Variants in DNAL1 observed in about 807,000 individuals in gnomAD.
DNAL1 encodes chromosome 14 open reading frame 168.
DNAL1 carries 17 observed loss-of-function variants against 29.4 expected under a neutral mutation model. That is an observed-to-expected ratio of 0.58 (90% CI 0.40 to 0.87). The LOEUF (loss-of-function observed/expected upper bound fraction) is 0.87. Ranked by LOEUF, DNAL1 falls within the 40% of genes least tolerant of loss-of-function variation. The pLI is 0.00. For synonymous variants in DNAL1, 78 were observed against 76.3 expected (o/e 1.02, Z -0.12); for missense variants, 188 against 214.1 (o/e 0.88, Z 0.76).
In DNAL1 at chr14:73,696,023, A is replaced by G. The variant is rs1486111503; in HGVS notation, c.*81A>G. ...AATTTTATATAATTGTCTATTTTAA[A>G]GATTCTGTATGGGACAAAAGTTTCT... On this transcript the variant is annotated 3_prime_UTR_variant, in exon 8 of 8. Transcript: ENST00000553645. The G allele has an allele frequency of 1.1e-5, 15 of 1,342,192 alleles. No individual in the cohort carries two copies. The highest frequency in any genetic ancestry group is 1.5e-5 in the Non-Finnish European group (15 of 975,124). The allele number at this position is 1,342,192 out of a possible 1,614,324, so 83.1% of individuals were successfully genotyped here. A position where few individuals can be genotyped will look rare whatever the true frequency, so the allele number is the denominator to read the frequency against.
chr14:73,647,681 C>T (rs1289185741), intron 1 of DNAL1, among the ~76,000 whole-genome samples: 1 of 152,202 alleles, frequency 6.6e-6, no homozygotes. Context: ...TGAGGACCTT[C>T]AGGCATTTGA....
intron 4 of DNAL1, among the ~76,000 whole-genome samples, chr14:73,662,503 C>G (rs1010595418): frequency 1.3e-5 from 2 of 152,110 alleles, no homozygotes; most frequent in African/African-American, 4.8e-5. Context: ...GATATATATT[C>G]TCTTATGGTT....
rs768875221 is a variant in DNAL1 at position 73,671,522 on chromosome 14, AT to A, written c.209-19del. 89 of 1,446,610 alleles carry A rather than the reference AT, an allele frequency of 6.2e-5. No individual in the cohort carries two copies. The highest frequency in any genetic ancestry group is 5.1e-5 in the East Asian group (2 of 39,472). 89.6% of individuals were successfully genotyped at this position (1,446,610 alleles called of 1,614,324 possible). On this transcript the variant is annotated intron_variant, in intron 4 of 7. Transcript: ENST00000553645. ...TAATATGATTCTAGTAAACAAAAAAATGTTTTCTTTTCACTACAGAAAACTT... is the reference window on the plus strand; with the variant it reads ...TAATATGATTCTAGTAAACAAAAAAAGTTTTCTTTTCACTACAGAAAACTT...
At chr14:73,662,347 T>C (rs1183602175) in intron 4 of DNAL1, among the ~76,000 whole-genome samples, 2 of 152,232 alleles carry the variant, frequency 1.3e-5, no homozygotes, top group African/African-American at 4.8e-5. Context: ...ATTTCAAACT[T>C]GTTATATTTA....
At chr14:73,685,706 C>T (rs1892006692) in intron 5 of DNAL1, among the ~76,000 whole-genome samples, 1 of 152,114 alleles carries the variant, frequency 6.6e-6, no homozygotes, top group African/African-American at 2.4e-5. Flanking sequence ...AGGTGAGCCG[C>T]CCGCCTTGGC....
chr14:73,681,731 T>A (rs1228232421), intron 5 of DNAL1, among the ~76,000 whole-genome samples: 1 of 147,520 alleles, frequency 6.8e-6, no homozygotes, highest in East Asian at 2.0e-4. Context: ...GGAGTTAGAG[T>A]TTGCAGTGAG....
At chr14:73,694,200 G>A (rs180795959) in intron 7 of DNAL1, among the ~76,000 whole-genome samples, 1 of 150,440 alleles carries the variant, frequency 6.6e-6, no homozygotes, top group East Asian at 2.0e-4. Context: ...GAGCCCAGGA[G>A]TTCAAGTCCA....
chr14:73,666,543 T>C (rs928846255), intron 4 of DNAL1, among the ~76,000 whole-genome samples: 13 of 152,194 alleles, frequency 8.5e-5, no homozygotes, highest in Non-Finnish European at 1.6e-4. Flanking sequence ...ACCCTACTTA[T>C]GCAGCACATA....
At chr14:73,689,306 A>ACAG in intron 6 of DNAL1, 69 bp from the exon 7 acceptor site, 1 of 1,529,102 alleles carries the variant, frequency 6.5e-7, no homozygotes, top group Non-Finnish European at 8.8e-7. Context: ...TTCTGGGATT[A>ACAG]CAGGCGTGGA....
In DNAL1 at chr14:73,702,346, G is replaced by C. The variant is rs1477582079; in HGVS notation, c.*6404G>C. 6.6e-6 allele frequency: 1 copy of C among 152,102 alleles called. No homozygotes were observed. Among genetic ancestry groups the C allele is most frequent in the Non-Finnish European group, 1.5e-5 (1 of 68,048 alleles). The allele number at this position is 152,102 out of a possible 1,614,324, so 9.4% of individuals were successfully genotyped here. A position where few individuals can be genotyped will look rare whatever the true frequency, so the allele number is the denominator to read the frequency against. On this transcript the variant is annotated 3_prime_UTR_variant, in exon 8 of 8. Coordinates refer to ENST00000553645, the MANE Select transcript of DNAL1 (RefSeq NM_031427.4). ...GTAGAGACGAAGTTTCACCATGCTG[G>C]CCAGGTTGGTCTCGAACTCTTGACC...
intron 1 of DNAL1, among the ~76,000 whole-genome samples, chr14:73,650,516 A>G (rs1891090667): frequency 6.6e-6 from 1 of 152,234 alleles, no homozygotes; most frequent in Non-Finnish European, 1.5e-5. Context: ...ACATAGAGGA[A>G]TGCTTGGTAG....
intron 1 of DNAL1, among the ~76,000 whole-genome samples, chr14:73,645,323 G>A (rs1350617712): frequency 6.6e-6 from 1 of 152,190 alleles, no homozygotes; most frequent in Non-Finnish European, 1.5e-5. Flanking sequence ...TAAAAAGAGC[G>A]TATTGGAGTG....
intron 5 of DNAL1, among the ~76,000 whole-genome samples, chr14:73,676,206 C>G (rs180755944): frequency 6.6e-6 from 1 of 151,382 alleles, no homozygotes; most frequent in East Asian, 1.9e-4. Context: ...TGCACTCCAG[C>G]CTGGGTGACA....
intron 4 of DNAL1, among the ~76,000 whole-genome samples, chr14:73,667,089 C>T (rs1422177403): frequency 1.3e-5 from 2 of 151,882 alleles, no homozygotes; most frequent in Non-Finnish European, 2.9e-5. Context: ...TTCATACATT[C>T]CATTGGGTGA....
rs556042970 is a variant in DNAL1, at chr14:73,702,786, C to T, written c.*6844C>T. ...GTAGTGTAGTTTCTACTTCTTATTC[C>T]AGTTGTTTGATTATGAGGATACATT... On this transcript the variant is annotated 3_prime_UTR_variant, in exon 8 of 8. Coordinates refer to ENST00000553645, the MANE Select transcript of DNAL1 (RefSeq NM_031427.4). 2 of 152,126 alleles carry T rather than the reference C, an allele frequency of 1.3e-5. No homozygotes were observed. Among genetic ancestry groups the T allele is most frequent in the African/African-American group, 4.8e-5 (2 of 41,498 alleles). 9.4% of individuals were successfully genotyped at this position (152,126 alleles called of 1,614,324 possible). A position where few individuals can be genotyped will look rare whatever the true frequency, so the allele number is the denominator to read the frequency against.
At chr14:73,675,478 A>T (rs7146191) in intron 5 of DNAL1, among the ~76,000 whole-genome samples, 44,530 of 149,102 alleles carry the variant, frequency 0.3, 6,803 homozygotes, top group Middle Eastern at 0.43. Context: ...TAAAAAAAAA[A>T]TTTTTTTTTT....
chr14:73,678,238 T>C (rs1322334548), intron 5 of DNAL1, among the ~76,000 whole-genome samples: 1 of 151,912 alleles, frequency 6.6e-6, no homozygotes, highest in Non-Finnish European at 1.5e-5. Flanking sequence ...GTTTCATCTT[T>C]TGGAAATTGA....
Position 73,652,275 on chromosome 14 carries a change from A to G in DNAL1, c.4-2572A>G, listed in dbSNP as rs1339095900. On this transcript the variant is annotated intron_variant, in intron 1 of 7. Transcript: ENST00000553645. ...TTGCTATGTTGTTCAGGTTATATAC[A>G]TTTTTTGAGACAGGGTCTTGCTCTG... Among the ~76,000 whole-genome samples, 3 of 151,698 alleles carry G rather than the reference A, an allele frequency of 2.0e-5. No homozygotes were observed. The East Asian group carries it at 5.8e-4, about 29-fold the overall frequency.
Position 73,690,740 on chromosome 14 carries a change from G to C in DNAL1, c.532+1225G>C, listed in dbSNP as rs886613549. Among the ~76,000 whole-genome samples, 4 of 151,376 alleles carry C rather than the reference G, an allele frequency of 2.6e-5. No homozygotes were observed. The South Asian group carries it at 8.3e-4, about 31-fold the overall frequency. Reference sequence around the variant, plus strand: ...TATCTACTTGTACTTTTATGTAAAAGAAAAATAAACTTCTAGCTCATTTAA... The same window carrying C: ...TATCTACTTGTACTTTTATGTAAAACAAAAATAAACTTCTAGCTCATTTAA... On this transcript the variant is annotated intron_variant, in intron 7 of 7. Transcript: ENST00000553645.
Sources: allele counts gnomAD v4.1 joint callset (sites outside exome capture counted in the v4.1 genomes callset), GRCh38; gene constraint gnomAD v4.1.1; transcripts MANE v1.5; gene names NCBI Gene and HGNC (gene_info 2026-07-23, HGNC 2026-07-21).